The following LMOD1 variants were observed in gnomAD, a reference collection of about 807,000 sequenced individuals.
LMOD1 encodes the protein leiomodin 1, also known as leiomodin-1.
Under a neutral mutation model 36.5 loss-of-function variants are expected in LMOD1, and 8 were observed. The observed-to-expected ratio is 0.22, with a 90% CI of 0.13 to 0.40. LMOD1 has a LOEUF of 0.40. LMOD1 is among the 10% of genes least tolerant of loss of function. LMOD1 has a pLI of 1.00. For missense variants in LMOD1, 630 were observed against 751.1 expected, an observed-to-expected ratio of 0.84 and a Z score of 1.88; for synonymous variants, 284 against 288.7, an observed-to-expected ratio of 0.98 and a Z score of 0.17.
At chr1:201,911,482 T>A (rs1681496263) in intron 1 of LMOD1, among the ~76,000 whole-genome samples, 1 of 152,070 alleles carries the variant, frequency 6.6e-6, no homozygotes, top group African/African-American at 2.4e-5. Context: ...CTGGCCAACA[T>A]GGTGAAACCC....
At chr1:201,903,273 C>T (rs1280971841) in intron 1 of LMOD1, among the ~76,000 whole-genome samples, 3 of 152,216 alleles carry the variant, frequency 2.0e-5, no homozygotes, top group Admixed American at 2.0e-4. Flanking sequence ...GCTAGAATCA[C>T]AATAAGCAGC....
chr1:201,941,871 C>A (rs181935522), intron 1 of LMOD1, among the ~76,000 whole-genome samples: 24 of 152,334 alleles, frequency 1.6e-4, no homozygotes, highest in African/African-American at 5.5e-4. Context: ...AATCCCCAGC[C>A]CCTGCTAACA....
chr1:201,913,495 T>C (rs1681547492), intron 1 of LMOD1, among the ~76,000 whole-genome samples: 2 of 152,156 alleles, frequency 1.3e-5, no homozygotes, highest in South Asian at 4.1e-4. Flanking sequence ...TAATCTCAGC[T>C]ACTCAGGAGG....
chr1:201,922,374 T>G (rs1681720654), intron 1 of LMOD1, among the ~76,000 whole-genome samples: 1 of 152,152 alleles, frequency 6.6e-6, no homozygotes, highest in South Asian at 2.1e-4. Flanking sequence ...CAGCAAAATG[T>G]CATACCTCAT....
chr1:201,932,472 C>A (rs1211435251), intron 1 of LMOD1, among the ~76,000 whole-genome samples: 1 of 151,950 alleles, frequency 6.6e-6, no homozygotes, highest in African/African-American at 2.4e-5. Context: ...AAACGATGGG[C>A]CGGGAGTGGT....
chr1:201,943,929 A>G (rs1682161534), intron 1 of LMOD1, among the ~76,000 whole-genome samples: 1 of 152,190 alleles, frequency 6.6e-6, no homozygotes, highest in South Asian at 2.1e-4. Flanking sequence ...GTTCTTGGCC[A>G]CACACTCACT....
chr1:201,930,824 T>A (rs1260641268), intron 1 of LMOD1, among the ~76,000 whole-genome samples: 1 of 151,990 alleles, frequency 6.6e-6, no homozygotes, highest in Non-Finnish European at 1.5e-5. Context: ...GCTAGAGAGA[T>A]GAAAGGAAAA....
rs988773056 is a variant in LMOD1 at position 201,900,556 on chromosome 1, T to C, written c.457A>G (p.Lys153Glu). 3 of 1,613,710 alleles carry C rather than the reference T, an allele frequency of 1.9e-6. No individual in the cohort carries two copies. The African/African-American group carries it at 4.0e-5, about 22-fold the overall frequency. Residue 153 changes from lysine to glutamate, a missense_variant, in exon 2 of 3, where the codon AAG (lysine) becomes GAG (glutamate). Around this residue, in one of 3 missense-constraint regions of LMOD1, gnomAD observed 405 missense variants for 400.6 expected, o/e 1.01. Coordinates refer to ENST00000367288, the MANE Select transcript of LMOD1 (RefSeq NM_012134.3). ...CCCTTGTCAATGCCCCGGATGATCT[T>C]CTCCTCCTTGGGCTTCTCGCCACTC... The part of the protein sequence containing the change: ...GKSGEKPKEE[K>E]IIRGIDKGRV...
chr1:201,946,262 C>G lies in LMOD1; in HGVS notation c.79G>C (p.Glu27Gln). The change falls in exon 1 of 3, where the codon GAG (glutamate) becomes CAG (glutamine). Residue 27 changes from glutamate to glutamine, a missense_variant. Coordinates refer to ENST00000367288, the MANE Select transcript of LMOD1 (RefSeq NM_012134.3). ...IDSLLETLSP[E>Q]EMEELEKELD... The stretch of plus-strand genomic sequence containing the variant: ...TCCTTCTCCAGCTCCTCCATCTCCT[C>G]GGGAGACAGGGTCTCCAGCAGGCTG... 1 of 1,613,950 alleles carries G rather than the reference C, an allele frequency of 6.2e-7. No homozygotes were observed.
rs187188996 is a variant in LMOD1, at chr1:201,936,154, T to G, written c.261+9926A>C. Among the ~76,000 whole-genome samples the G allele has an allele frequency of 3.5e-3, 528 of 149,958 alleles. 5 individuals carry two copies. The highest frequency in any genetic ancestry group is 0.012 in the African/African-American group (501 of 40,658). ...ATTCACCCAATAGCTTAGGCAGTACTGATCACCCCGACTCTTCTCTTTCCC... is the reference window on the plus strand; with the variant it reads ...ATTCACCCAATAGCTTAGGCAGTACGGATCACCCCGACTCTTCTCTTTCCC... On this transcript the variant is annotated intron_variant, in intron 1 of 2. Coordinates refer to ENST00000367288, the MANE Select transcript of LMOD1 (RefSeq NM_012134.3).
At position 201,897,003 on chromosome 1, in the gene LMOD1, C is replaced by T. The variant is rs145125810; in HGVS notation, c.*1369G>A. Reference sequence around the variant, plus strand: ...GACCCAAGGTGGCAGTTCCACAGTGCCAAGGGGTGGCAGCACCTTCAAGAG... The same window carrying T: ...GACCCAAGGTGGCAGTTCCACAGTGTCAAGGGGTGGCAGCACCTTCAAGAG... On this transcript the variant is annotated 3_prime_UTR_variant, in exon 3 of 3. Coordinates refer to ENST00000367288, the MANE Select transcript of LMOD1 (RefSeq NM_012134.3). 1.8e-4 allele frequency: 59 copies of T among 319,576 alleles called. No individual in the cohort carries two copies. The highest frequency in any genetic ancestry group is 2.8e-4 in the Non-Finnish European group (44 of 159,912). 19.8% of individuals were successfully genotyped at this position (319,576 alleles called of 1,614,324 possible). A position where few individuals can be genotyped will look rare whatever the true frequency, so the allele number is the denominator to read the frequency against.
At chr1:201,909,213 A>C (rs1038812832) in intron 1 of LMOD1, among the ~76,000 whole-genome samples, 3 of 152,130 alleles carry the variant, frequency 2.0e-5, no homozygotes, top group African/African-American at 7.2e-5. Context: ...ACTGCACTCC[A>C]GGAGCCAACC....
chr1:201,906,070 A>T (rs115907239), intron 1 of LMOD1, among the ~76,000 whole-genome samples: 2,263 of 152,236 alleles, frequency 0.015, 51 homozygotes, highest in African/African-American at 0.049. Context: ...CTCCTGGCTG[A>T]GGGTAGGATC....
chr1:201,917,374 A>G (rs893082838), intron 1 of LMOD1, among the ~76,000 whole-genome samples: 1 of 152,024 alleles, frequency 6.6e-6, no homozygotes, highest in Non-Finnish European at 1.5e-5. Flanking sequence ...AGAGAAAGAC[A>G]GAGGCGTTTT....
chr1:201,897,009 G>A lies in LMOD1; in HGVS notation c.*1363C>T, dbSNP rs892904724. 3.2e-6 allele frequency: 1 copy of A among 311,506 alleles called. No individual in the cohort carries two copies. Among genetic ancestry groups the A allele is most frequent in the African/African-American group, 2.2e-5 (1 of 46,154 alleles). The allele number at this position is 311,506 out of a possible 1,614,324, so 19.3% of individuals were successfully genotyped here. On this transcript the variant is annotated 3_prime_UTR_variant, in exon 3 of 3. Coordinates refer to ENST00000367288, the MANE Select transcript of LMOD1 (RefSeq NM_012134.3). Reference sequence around the variant, plus strand: ...AGGTGGCAGTTCCACAGTGCCAAGGGGTGGCAGCACCTTCAAGAGAATGAA... The same window carrying A: ...AGGTGGCAGTTCCACAGTGCCAAGGAGTGGCAGCACCTTCAAGAGAATGAA...
At chr1:201,912,299 C>A (rs910935745) in intron 1 of LMOD1, among the ~76,000 whole-genome samples, 2 of 152,210 alleles carry the variant, frequency 1.3e-5, no homozygotes, top group Non-Finnish European at 2.9e-5. Context: ...CCCGGCCTCA[C>A]TCTACTCATG....
chr1:201,915,555 C>G (rs72744814), intron 1 of LMOD1, among the ~76,000 whole-genome samples: 11,904 of 152,090 alleles, frequency 0.078, 562 homozygotes, highest in East Asian at 0.14. Context: ...AATCAGAACC[C>G]GGCTGGGAAG....
Position 201,901,613 on chromosome 1 carries a change from C to CAT in LMOD1, c.262-864_262-863dup, listed in dbSNP as rs1210658928. Among the ~76,000 whole-genome samples the CAT allele has an allele frequency of 8.4e-4, 23 of 27,516 alleles. 1 individual carries two copies. Among genetic ancestry groups the CAT allele is most frequent in the Admixed American group, 1.7e-3 (4 of 2,348 alleles). The allele number at this position is 27,516 out of a possible 152,430, so 18.1% of individuals were successfully genotyped here. A position where few individuals can be genotyped will look rare whatever the true frequency, so the allele number is the denominator to read the frequency against. On this transcript the variant is annotated intron_variant, in intron 1 of 2. Coordinates refer to ENST00000367288, the MANE Select transcript of LMOD1 (RefSeq NM_012134.3). ...ATATATATGTATATATATATATACACATATATATGTGTGTGTGTATATATA... is the reference window on the plus strand; with the variant it reads ...ATATATATGTATATATATATATACACATATATATATGTGTGTGTGTATATATA...
intron 1 of LMOD1, among the ~76,000 whole-genome samples, chr1:201,915,302 G>T (rs974588965): frequency 2.0e-5 from 3 of 152,096 alleles, no homozygotes; most frequent in East Asian, 1.9e-4. Context: ...CACCTTTAGA[G>T]CCTCTCACCG....
Sources: allele counts gnomAD v4.1 joint callset (sites outside exome capture counted in the v4.1 genomes callset), GRCh38; gene constraint gnomAD v4.1.1; regional missense constraint gnomAD v4.1.1; transcripts MANE v1.5; gene names NCBI Gene and HGNC (gene_info 2026-07-23, HGNC 2026-07-21).